The following PPARD variants were observed in gnomAD, a reference collection of about 807,000 sequenced individuals.
PPARD encodes peroxisome proliferator activated receptor delta, also known as peroxisome proliferator-activated receptor delta.
Under a neutral mutation model 39.5 loss-of-function variants are expected in PPARD, and 6 were observed. The observed-to-expected ratio is 0.15, with a 90% confidence interval of 0.08 to 0.30. The LOEUF (loss-of-function observed/expected upper bound fraction) is 0.30. Among genes scored for constraint, PPARD ranks in the 10% least tolerant of loss-of-function variants. The pLI is 1.00. For missense variants in PPARD, 397 were observed against 596.8 expected, an observed-to-expected ratio of 0.67 and a Z score of 3.49; for synonymous variants, 210 against 231.3, an observed-to-expected ratio of 0.91 and a Z score of 0.83.
chr6:35,420,946 C>A (rs1175696350), intron 4 of PPARD, among the ~76,000 whole-genome samples: 3 of 148,480 alleles, frequency 2.0e-5, no homozygotes, highest in Non-Finnish European at 4.4e-5. Flanking sequence ...CCTGCCTGAG[C>A]CTCCAGAGTA....
intron 2 of PPARD, among the ~76,000 whole-genome samples, chr6:35,407,714 A>G (rs1765149119): frequency 1.3e-5 from 2 of 151,366 alleles, no homozygotes; most frequent in Admixed American, 1.3e-4. Context: ...CTTTGAAAAA[A>G]AAGATTTCAG....
chr6:35,383,423 T>C (rs1401384280), intron 2 of PPARD, among the ~76,000 whole-genome samples: 1 of 152,182 alleles, frequency 6.6e-6, no homozygotes, highest in African/African-American at 2.4e-5. Context: ...CCCAAAGTGC[T>C]GAGATTGCAG....
intron 3 of PPARD, among the ~76,000 whole-genome samples, chr6:35,419,406 G>T (rs1562222818): frequency 6.6e-6 from 1 of 152,162 alleles, no homozygotes; most frequent in African/African-American, 2.4e-5. Context: ...TGAAGTCATA[G>T]CCTTAGCAAA....
At chr6:35,417,878 T>C (rs1248932347) in intron 3 of PPARD, among the ~76,000 whole-genome samples, 1 of 152,232 alleles carries the variant, frequency 6.6e-6, no homozygotes, top group East Asian at 1.9e-4. Flanking sequence ...AGAGTCTAGG[T>C]CCTGTCCTGC....
At chr6:35,367,029 A>G (rs185148076) in intron 2 of PPARD, among the ~76,000 whole-genome samples, 6 of 152,274 alleles carry the variant, frequency 3.9e-5, no homozygotes, top group Admixed American at 6.5e-5. Context: ...CCGTGCCTTG[A>G]TGGCACTGGA....
chr6:35,428,030 G>C lies in PPARD; in HGVS notation c.*1951G>C, dbSNP rs140059653. 1 of 152,816 alleles carries C rather than the reference G, an allele frequency of 6.5e-6. No individual in the cohort carries two copies. Among genetic ancestry groups the C allele is most frequent in the African/African-American group, 2.4e-5 (1 of 41,580 alleles). 9.5% of individuals were successfully genotyped at this position (152,816 alleles called of 1,614,324 possible). ...GCGTCCCTGCCCCGACCCGGGTCTG[G>C]TGCTGAGGATACAGCTCTTCTCAGT... On this transcript the variant is annotated 3_prime_UTR_variant, in exon 8 of 8. Coordinates refer to ENST00000360694, the MANE Select transcript of PPARD (RefSeq NM_006238.5).
chr6:35,393,806 A>AT (rs1371582441), intron 2 of PPARD, among the ~76,000 whole-genome samples: 2 of 152,030 alleles, frequency 1.3e-5, no homozygotes, highest in Non-Finnish European at 2.9e-5. Context: ...CTTCTCAAAT[A>AT]TTTGTTAAGT....
At chr6:35,423,835 G>A in intron 5 of PPARD, 111 bp from the exon 6 acceptor site, 2 of 981,466 alleles carry the variant, frequency 2.0e-6, no homozygotes, top group Non-Finnish European at 3.0e-6. Flanking sequence ...AGAGCTTCTG[G>A]GGGCCTTAGG....
chr6:35,351,694 C>T (rs931357059), intron 2 of PPARD, among the ~76,000 whole-genome samples: 2 of 151,928 alleles, frequency 1.3e-5, no homozygotes, highest in Non-Finnish European at 2.9e-5. Flanking sequence ...GCTAGGACTA[C>T]AGGTATGTGC....
chr6:35,410,982 C>T lies in PPARD; in HGVS notation c.-101-5C>T. The T allele has an allele frequency of 7.8e-7, 1 of 1,281,218 alleles. No individual in the cohort carries two copies. The highest frequency in any genetic ancestry group is 3.0e-5 in the South Asian group (1 of 32,868). The allele number at this position is 1,281,218 out of a possible 1,614,324, so 79.4% of individuals were successfully genotyped here. On this transcript the variant is annotated splice_region_variant and splice_polypyrimidine_tract_variant and intron_variant, in intron 2 of 7. Coordinates refer to ENST00000360694, the MANE Select transcript of PPARD (RefSeq NM_006238.5). ...TGACCTCTTCCTGTCTTCTCCTCTG[C>T]CCAGGCTGATGGGAACCACCCTGTA... is the stretch of plus-strand genomic sequence containing the variant.
chr6:35,397,736 G>A (rs750395533), intron 2 of PPARD: 18 of 169,596 alleles, frequency 1.1e-4, no homozygotes, highest in Non-Finnish European at 2.0e-4. Flanking sequence ...AAACAAATAA[G>A]GAAATATATA....
intron 2 of PPARD, among the ~76,000 whole-genome samples, chr6:35,347,736 G>A (rs1760960647): frequency 6.6e-6 from 1 of 151,754 alleles, no homozygotes; most frequent in African/African-American, 2.4e-5. Flanking sequence ...AGCCTCCCAA[G>A]TAGCTGGGAT....
rs766952101 is a variant in PPARD at position 35,366,182 on chromosome 6, C to A, written c.-102+19032C>A. On this transcript the variant is annotated intron_variant, in intron 2 of 7. Coordinates refer to ENST00000360694, the MANE Select transcript of PPARD (RefSeq NM_006238.5). The surrounding 1 kb of genome is among the most constrained non-coding windows in gnomAD (Gnocchi z 4.6). The stretch of plus-strand genomic sequence containing the variant: ...AGCTTAAAACACTATCTCGCAGTTT[C>A]TATGGGTTAGGAGAGATTTACACAA... Among the ~76,000 whole-genome samples the A allele has an allele frequency of 1.1e-4, 17 of 151,766 alleles. No homozygotes were observed. Among genetic ancestry groups the A allele is most frequent in the African/African-American group, 3.2e-4 (13 of 41,008 alleles).
rs535469390 is a variant in PPARD at position 35,397,848 on chromosome 6, C to G, written c.-101-13139C>G. ...ACTACGCATATTTGAAATAGGGAAGCCAGGGAAGACCTCACTGAGATGGCC... is the reference window on the plus strand; with the variant it reads ...ACTACGCATATTTGAAATAGGGAAGGCAGGGAAGACCTCACTGAGATGGCC... On this transcript the variant is annotated intron_variant, in intron 2 of 7. Coordinates refer to ENST00000360694, the MANE Select transcript of PPARD (RefSeq NM_006238.5). Among the ~76,000 whole-genome samples, 472 of 152,168 alleles carry G rather than the reference C, an allele frequency of 3.1e-3. 2 individuals carry two copies. Among genetic ancestry groups the G allele is most frequent in the African/African-American group, 6.8e-3 (281 of 41,490 alleles).
intron 2 of PPARD, among the ~76,000 whole-genome samples, chr6:35,406,238 T>G (rs1192314831): frequency 6.6e-6 from 1 of 152,192 alleles, no homozygotes; most frequent in East Asian, 1.9e-4. Flanking sequence ...TGTGCTATCT[T>G]TAGTGCCAGG....
At chr6:35,407,830 C>T (rs1178900094) in intron 2 of PPARD, among the ~76,000 whole-genome samples, 1 of 150,568 alleles carries the variant, frequency 6.6e-6, no homozygotes, top group Non-Finnish European at 1.5e-5. Flanking sequence ...AATGCCACTA[C>T]AGTCACACAC....
chr6:35,393,264 GC>G (rs1435266016), intron 2 of PPARD, among the ~76,000 whole-genome samples: 1 of 152,162 alleles, frequency 6.6e-6, no homozygotes, highest in Non-Finnish European at 1.5e-5. Context: ...GGGAGGGAGA[GC>G]CCCGAAAGGA....
At chr6:35,359,046 G>A (rs1049454892) in intron 2 of PPARD, among the ~76,000 whole-genome samples, 1 of 152,206 alleles carries the variant, frequency 6.6e-6, no homozygotes, top group Non-Finnish European at 1.5e-5. Flanking sequence ...TGACATTTAA[G>A]TGGAAAGAGG....
intron 2 of PPARD, among the ~76,000 whole-genome samples, chr6:35,384,162 G>T (rs1350635420): frequency 1.5e-4 from 22 of 142,778 alleles, no homozygotes; most frequent in African/African-American, 5.8e-4. Context: ...CACCCCTACT[G>T]GGAAGTGAGG....
Sources: allele counts gnomAD v4.1 joint callset (sites outside exome capture counted in the v4.1 genomes callset), GRCh38; gene constraint gnomAD v4.1.1; non-coding constraint Gnocchi (gnomAD v3.1); transcripts MANE v1.5; gene names NCBI Gene and HGNC (gene_info 2026-07-23, HGNC 2026-07-21).